The following STXBP6 variants were observed in gnomAD, a reference collection of about 807,000 sequenced individuals.
STXBP6 encodes syntaxin-binding protein 6.
A neutral mutation model predicts 26.9 loss-of-function variants in STXBP6; 21 were observed. The ratio of observed to expected loss-of-function variants is 0.78; its 90% CI spans 0.55 to 1.12. STXBP6 has a LOEUF of 1.12. STXBP6 is among the 50% of genes most tolerant of loss of function. STXBP6 has a pLI of 0.00. For missense variants in STXBP6, 232 were observed against 257.9 expected (o/e 0.90, Z 0.69); for synonymous variants, 97 against 92.6 (o/e 1.05, Z -0.27).
chr14:24,958,418 T>A (rs1595189709), intron 2 of STXBP6, among the ~76,000 whole-genome samples: 1 of 152,294 alleles, frequency 6.6e-6, no homozygotes, highest in African/African-American at 2.4e-5. Context: ...AGAGCTCATT[T>A]TATGGGGAAG....
At chr14:24,919,105 G>A (rs1195699891) in intron 2 of STXBP6, among the ~76,000 whole-genome samples, 1 of 152,018 alleles carries the variant, frequency 6.6e-6, no homozygotes, top group African/African-American at 2.4e-5. Context: ...AGCCCTCAAG[G>A]TGAGATGTGT....
intron 2 of STXBP6, among the ~76,000 whole-genome samples, chr14:24,896,306 C>CAT (rs34631661): frequency 1.1e-4 from 16 of 151,636 alleles, no homozygotes; most frequent in Middle Eastern, 3.4e-3. Flanking sequence ...TACTAAGAAA[C>CAT]ATATATATAT....
At chr14:24,901,405 CACTT>C (rs2071208460) in intron 2 of STXBP6, among the ~76,000 whole-genome samples, 1 of 152,238 alleles carries the variant, frequency 6.6e-6, no homozygotes, top group Middle Eastern at 3.4e-3. Flanking sequence ...GCAACCCTAA[CACTT>C]ACACATTTCA....
At chr14:25,024,931 T>G (rs929710294) in intron 1 of STXBP6, among the ~76,000 whole-genome samples, 19 of 152,180 alleles carry the variant, frequency 1.2e-4, no homozygotes, top group Admixed American at 1.3e-4. Flanking sequence ...AATGATTTTT[T>G]TTGTTGTTGT....
intron 4 of STXBP6, among the ~76,000 whole-genome samples, chr14:24,819,671 C>T (rs1309233879): frequency 6.6e-6 from 1 of 152,166 alleles, no homozygotes; most frequent in African/African-American, 2.4e-5. Context: ...AGATAGAATG[C>T]TCTATATTCC....
At chr14:25,040,205 G>A (rs1324215400) in intron 1 of STXBP6, among the ~76,000 whole-genome samples, 1 of 152,176 alleles carries the variant, frequency 6.6e-6, no homozygotes, top group Non-Finnish European at 1.5e-5. Flanking sequence ...ATATGAATGA[G>A]CCATGTTTTA....
At chr14:24,857,945 A>C (rs1273846378) in intron 2 of STXBP6, among the ~76,000 whole-genome samples, 4 of 152,092 alleles carry the variant, frequency 2.6e-5, no homozygotes, top group African/African-American at 9.6e-5. Context: ...CAAGGGTAGG[A>C]AGTAATTAAT....
chr14:24,838,873 G>A (rs980943100), intron 4 of STXBP6, among the ~76,000 whole-genome samples: 2 of 151,890 alleles, frequency 1.3e-5, no homozygotes. Flanking sequence ...ACTTCTTATC[G>A]ATTTGAAAAT....
At chr14:25,017,173 T>C (rs555630690) in intron 1 of STXBP6, among the ~76,000 whole-genome samples, 13 of 152,202 alleles carry the variant, frequency 8.5e-5, no homozygotes, top group Non-Finnish European at 1.6e-4. Context: ...AGAATGTATT[T>C]GTGCTAGTTG....
chr14:24,895,431 A>G (rs1353357866), intron 2 of STXBP6, among the ~76,000 whole-genome samples: 1 of 152,176 alleles, frequency 6.6e-6, no homozygotes, highest in Non-Finnish European at 1.5e-5. Context: ...ACTGGCATTC[A>G]TGTCCAGTGA....
At chr14:24,857,928 G>A (rs921759431) in intron 2 of STXBP6, among the ~76,000 whole-genome samples, 2 of 152,010 alleles carry the variant, frequency 1.3e-5, no homozygotes, top group African/African-American at 4.8e-5. Flanking sequence ...TTTGTGACAT[G>A]GAGACTCAAG....
chr14:24,919,524 C>T (rs934187145), intron 2 of STXBP6, among the ~76,000 whole-genome samples: 11 of 149,478 alleles, frequency 7.4e-5, no homozygotes, highest in African/African-American at 2.5e-4. Context: ...AGATTCAATA[C>T]GCACTTTTTT....
intron 1 of STXBP6, among the ~76,000 whole-genome samples, chr14:24,991,330 C>A (rs916683193): frequency 1.4e-4 from 21 of 152,178 alleles, no homozygotes; most frequent in African/African-American, 4.6e-4. Context: ...AAAGAACCAA[C>A]AAAAGCAATG....
At chr14:24,836,553 C>T (rs1204595743) in intron 4 of STXBP6, among the ~76,000 whole-genome samples, 1 of 138,070 alleles carries the variant, frequency 7.2e-6, no homozygotes, top group African/African-American at 2.7e-5. Context: ...GAGCTGACAT[C>T]ACACCACTGC....
At chr14:25,038,566 A>G (rs958357752) in intron 1 of STXBP6, among the ~76,000 whole-genome samples, 4 of 152,236 alleles carry the variant, frequency 2.6e-5, no homozygotes, top group African/African-American at 9.6e-5. Context: ...GAATCTCACA[A>G]AATCAAGGGA....
chr14:24,932,681 A>G (rs1016656872), intron 2 of STXBP6, among the ~76,000 whole-genome samples: 22 of 152,204 alleles, frequency 1.4e-4, no homozygotes, highest in African/African-American at 5.3e-4. Flanking sequence ...GTGTAGTAGC[A>G]GTTAAATGGA....
chr14:24,895,450 C>T (rs913227576), intron 2 of STXBP6, among the ~76,000 whole-genome samples: 10 of 152,104 alleles, frequency 6.6e-5, no homozygotes, highest in South Asian at 2.1e-4. Context: ...GAAAGGAAGG[C>T]GGTTAGGAGG....
intron 2 of STXBP6, among the ~76,000 whole-genome samples, chr14:24,880,503 A>G (rs1254687275): frequency 6.6e-6 from 1 of 152,148 alleles, no homozygotes; most frequent in Non-Finnish European, 1.5e-5. Flanking sequence ...ATAACCAGGA[A>G]ACGTACAGGA....
chr14:24,948,871 G>C (rs1421805557), intron 2 of STXBP6, among the ~76,000 whole-genome samples: 1 of 152,138 alleles, frequency 6.6e-6, no homozygotes, highest in Non-Finnish European at 1.5e-5. Flanking sequence ...TACTGAAGGA[G>C]ATGAATTTTT....
Sources: allele counts gnomAD v4.1 joint callset (sites outside exome capture counted in the v4.1 genomes callset), GRCh38; gene constraint gnomAD v4.1.1; transcripts MANE v1.5; gene names NCBI Gene and HGNC (gene_info 2026-07-23, HGNC 2026-07-21).